ACTN1: variants seen among roughly 807,000 people sequenced by gnomAD.
ACTN1 encodes actinin alpha 1.
ACTN1 carries 30 observed loss-of-function variants against 119.6 expected under a neutral mutation model. The observed-to-expected ratio is 0.25, with a 90% CI of 0.19 to 0.34. The LOEUF (loss-of-function observed/expected upper bound fraction) is 0.34. Ranked by LOEUF, ACTN1 falls within the 10% of genes least tolerant of loss-of-function variation. The pLI, the probability that ACTN1 is intolerant of heterozygous loss-of-function variation, is 1.00. For missense variants in ACTN1, 764 were observed against 1,223.4 expected (o/e 0.62, Z 5.60); for synonymous variants, 429 against 472.6 (o/e 0.91, Z 1.20).
chr14:68,960,976 G>T (rs774831608), intron 1 of ACTN1, among the ~76,000 whole-genome samples: 11 of 152,138 alleles, frequency 7.2e-5, no homozygotes, highest in Non-Finnish European at 1.5e-4. Context: ...AGGCTTAGGT[G>T]GGAGGATCCC....
chr14:68,977,994 A>C, intron 1 of ACTN1: 1 of 456,016 alleles, frequency 2.2e-6, no homozygotes, highest in East Asian at 7.0e-5. Context: ...CCCTCCCCCC[A>C]CCACCACGAG....
At position 68,923,348 on chromosome 14, in the gene ACTN1, G is replaced by A. The variant is rs546445984; in HGVS notation, c.220+2210C>T. Reference sequence around the variant, plus strand: ...TGCTGGGGAGCTGGGCAGGTAGGGGGGTGGTGCGGGCAGGGCACAGTCCAC... The same window carrying A: ...TGCTGGGGAGCTGGGCAGGTAGGGGAGTGGTGCGGGCAGGGCACAGTCCAC... On this transcript the variant is annotated intron_variant, in intron 2 of 21. Coordinates refer to ENST00000394419, the MANE Select transcript of ACTN1 (RefSeq NM_001130004.2). Among the ~76,000 whole-genome samples the A allele has an allele frequency of 2.0e-5, 3 of 152,282 alleles. No individual in the cohort carries two copies. The South Asian group carries it at 6.2e-4, about 32-fold the overall frequency.
At chr14:68,895,653 C>T (rs1309201001) in intron 8 of ACTN1, among the ~76,000 whole-genome samples, 4 of 152,224 alleles carry the variant, frequency 2.6e-5, no homozygotes, top group Non-Finnish European at 4.4e-5. Flanking sequence ...TTGGCAGCTA[C>T]TCATAACTGG....
At chr14:68,971,309 G>C (rs970605916) in intron 1 of ACTN1, among the ~76,000 whole-genome samples, 1 of 152,224 alleles carries the variant, frequency 6.6e-6, no homozygotes, top group Admixed American at 6.5e-5. Flanking sequence ...TACTTACTTG[G>C]AAAACCAAGA....
rs2036594773 is a variant in ACTN1 at position 68,963,172 on chromosome 14, C to T, written c.105+15780G>A. ...CACATATTCCAGATTTGATTTTTAG[C>T]TCACATGATCACCTCCTCCAGGAAG... On this transcript the variant is annotated intron_variant, in intron 1 of 21. Coordinates refer to ENST00000394419, the MANE Select transcript of ACTN1 (RefSeq NM_001130004.2). Among the ~76,000 whole-genome samples, 4 of 152,312 alleles carry T rather than the reference C, an allele frequency of 2.6e-5. 1 individual carries two copies. Among genetic ancestry groups the T allele is most frequent in the South Asian group, 4.1e-4 (2 of 4,826 alleles).
At chr14:68,890,374 T>C in intron 10 of ACTN1, 88 bp from the exon 11 acceptor site, 1 of 1,480,562 alleles carries the variant, frequency 6.8e-7, no homozygotes, top group Non-Finnish European at 9.2e-7. Context: ...AGGTGCCCCA[T>C]GCCTTCCAGG....
chr14:68,899,308 C>T (rs1178733111), intron 8 of ACTN1, among the ~76,000 whole-genome samples: 1 of 149,328 alleles, frequency 6.7e-6, no homozygotes, highest in Non-Finnish European at 1.5e-5. Context: ...ACCCACAGCA[C>T]ACCACACCCA....
intron 1 of ACTN1, among the ~76,000 whole-genome samples, chr14:68,941,128 C>A (rs898317423): frequency 1.3e-5 from 2 of 152,222 alleles, no homozygotes; most frequent in African/African-American, 2.4e-5. Flanking sequence ...TTAAAAGGGG[C>A]ATGAAGCCCC....
At chr14:68,900,622 C>T (rs1226990732) in intron 8 of ACTN1, among the ~76,000 whole-genome samples, 1 of 152,092 alleles carries the variant, frequency 6.6e-6, no homozygotes, top group Admixed American at 6.5e-5. Flanking sequence ...GCTTCTCTCT[C>T]GCTTGTGGTA....
At chr14:68,977,952 C>T (rs1481311441) in intron 1 of ACTN1, 4 of 455,918 alleles carry the variant, frequency 8.8e-6, no homozygotes, top group South Asian at 6.2e-5. Context: ...AGGCTCACCG[C>T]GCAGGCAGGA....
intron 1 of ACTN1, among the ~76,000 whole-genome samples, chr14:68,969,213 C>T (rs1345183767): frequency 2.6e-5 from 4 of 152,230 alleles, no homozygotes; most frequent in Non-Finnish European, 5.9e-5. Context: ...AGCAAAACTT[C>T]ATTTGGAGCT....
chr14:68,949,250 G>T (rs983034637), intron 1 of ACTN1, among the ~76,000 whole-genome samples: 1 of 152,158 alleles, frequency 6.6e-6, no homozygotes, highest in Non-Finnish European at 1.5e-5. Context: ...GTAAGCTCGG[G>T]GTCCCCGTGC....
At chr14:68,936,208 A>C (rs1248828363) in intron 1 of ACTN1, among the ~76,000 whole-genome samples, 2 of 152,200 alleles carry the variant, frequency 1.3e-5, no homozygotes, top group Admixed American at 6.5e-5. Flanking sequence ...GCTCTCAAAG[A>C]AAGCCAAAAA....
chr14:68,936,720 G>T (rs1423969335), intron 1 of ACTN1: 2 of 639,086 alleles, frequency 3.1e-6, no homozygotes, highest in East Asian at 7.3e-5. Context: ...CTTTGACAAA[G>T]CCTATGTTGT....
intron 8 of ACTN1, among the ~76,000 whole-genome samples, chr14:68,895,042 G>T (rs554853449): frequency 6.6e-6 from 1 of 151,796 alleles, no homozygotes; most frequent in Non-Finnish European, 1.5e-5. Context: ...CAGGGGGTAA[G>T]GGGCAGAATG....
At position 68,909,713 on chromosome 14, in the gene ACTN1, G is replaced by A. The variant is rs956030656; in HGVS notation, c.515+242C>T. Among the ~76,000 whole-genome samples the A allele has an allele frequency of 3.9e-5, 6 of 152,140 alleles. No homozygotes were observed. The highest frequency in any genetic ancestry group is 1.3e-4 in the Admixed American group (2 of 15,270). ...CTTCCTGGACAATTTCCTTGGGGGC[G>A]CTCCCAGTAGCAAAAGCATCAACCA... On this transcript the variant is annotated intron_variant, in intron 5 of 21. Transcript: ENST00000394419. This position sits in a 1 kb window ranked among gnomAD's most constrained non-coding sequence, Gnocchi z 4.1.
At position 68,880,721 on chromosome 14, in the gene ACTN1, G is replaced by T; in HGVS notation, c.2133+89C>A. 2.2e-6 allele frequency: 3 copies of T among 1,372,618 alleles called. No individual in the cohort carries two copies. Among genetic ancestry groups the T allele is most frequent in the South Asian group, 1.3e-5 (1 of 77,044 alleles). 85.0% of individuals were successfully genotyped at this position (1,372,618 alleles called of 1,614,324 possible). A position where few individuals can be genotyped will look rare whatever the true frequency, so the allele number is the denominator to read the frequency against. ...TGAAGTTAATTTATCCTCCAACTAT[G>T]ACCTGTTCCCTTGGAGACTTCCCCA... On this transcript the variant is annotated intron_variant, in intron 17 of 21. Transcript: ENST00000394419. The surrounding 1 kb of genome is among the most constrained non-coding windows in gnomAD (Gnocchi z 4.6).
intron 9 of ACTN1, 24 bp from the exon 10 acceptor site, chr14:68,892,307 CAGG>C: frequency 6.3e-7 from 1 of 1,597,728 alleles, no homozygotes; most frequent in Non-Finnish European, 8.5e-7. Context: ...GCGGTGGGGG[CAGG>C]AGGTGAGGAG....
chr14:68,941,196 G>A (rs1422024397), intron 1 of ACTN1, among the ~76,000 whole-genome samples: 2 of 152,194 alleles, frequency 1.3e-5, no homozygotes, highest in Non-Finnish European at 2.9e-5. Flanking sequence ...ATGACAAAAG[G>A]GGAGAAGCCA....
Sources: allele counts gnomAD v4.1 joint callset (sites outside exome capture counted in the v4.1 genomes callset), GRCh38; gene constraint gnomAD v4.1.1; non-coding constraint Gnocchi (gnomAD v3.1); transcripts MANE v1.5; gene names NCBI Gene and HGNC (gene_info 2026-07-23, HGNC 2026-07-21).